CSMD1: variants seen among roughly 807,000 people sequenced by gnomAD.
CSMD1 encodes CUB and Sushi multiple domains 1, also known as CUB and sushi domain-containing protein 1.
CSMD1 carries 213 observed loss-of-function variants against 417.5 expected under a neutral mutation model. The ratio of observed to expected loss-of-function variants is 0.51; its 90% confidence interval spans 0.46 to 0.57. CSMD1 has a LOEUF of 0.57. Ranked by LOEUF, CSMD1 falls within the 20% of genes least tolerant of loss-of-function variation. CSMD1 has a pLI of 0.00. For synonymous variants in CSMD1, 2,862 were observed against 1,736.8 expected, an observed-to-expected ratio of 1.65 and a Z score of -16.11; for missense variants, 6,923 against 4,529.7, an observed-to-expected ratio of 1.53 and a Z score of -15.17.
chr8:3,438,306 C>T (rs574917790), intron 12 of CSMD1, among the ~76,000 whole-genome samples: 1 of 152,248 alleles, frequency 6.6e-6, no homozygotes, highest in Non-Finnish European at 1.5e-5. Context: ...CAGAATTTTG[C>T]AAAACTGTAT....
Position 4,934,962 on chromosome 8 carries a change from A to G in CSMD1, c.85+59370T>C, listed in dbSNP as rs184706763. 7.9e-5 allele frequency among the ~76,000 whole-genome samples: 12 copies of G among 152,272 alleles called. No homozygotes were observed. In the East Asian group the frequency reaches 1.7e-3, roughly 22 times the overall value. ...TCTATTTAAATCCATCTACCTGCCT[A>G]TATCTATCATCTATCAATCATCTGT... On this transcript the variant is annotated intron_variant, in intron 1 of 69. Coordinates refer to ENST00000635120, the MANE Select transcript of CSMD1 (RefSeq NM_033225.6).
intron 2 of CSMD1, among the ~76,000 whole-genome samples, chr8:4,441,887 G>A (rs980873178): frequency 1.1e-4 from 17 of 152,156 alleles, no homozygotes; most frequent in African/African-American, 4.1e-4. Context: ...AAAGTATGCT[G>A]CTACAATTTT....
At chr8:4,715,320 C>T (rs1676965) in intron 1 of CSMD1, among the ~76,000 whole-genome samples, 130,742 of 152,216 alleles carry the variant, frequency 0.86, 56,258 homozygotes, top group East Asian at 0.99. Flanking sequence ...GTTTGGTTTA[C>T]ACAAAGTAAT....
intron 8 of CSMD1, among the ~76,000 whole-genome samples, chr8:3,587,613 A>T (rs11992771): frequency 0.028 from 4,318 of 152,208 alleles, 210 homozygotes; most frequent in African/African-American, 0.095. Flanking sequence ...CCCCCACGGC[A>T]TCTATGTAAC....
chr8:4,566,828 C>G (rs1346575469), intron 2 of CSMD1, among the ~76,000 whole-genome samples: 1 of 151,962 alleles, frequency 6.6e-6, no homozygotes, highest in Non-Finnish European at 1.5e-5. Flanking sequence ...TTATCTGGGC[C>G]TTACTGTATG....
At chr8:4,203,786 G>A (rs1460522142) in intron 3 of CSMD1, among the ~76,000 whole-genome samples, 2 of 152,044 alleles carry the variant, frequency 1.3e-5, no homozygotes, top group Admixed American at 6.6e-5. Flanking sequence ...ATATACATAA[G>A]CTAATTTGAG....
intron 25 of CSMD1, among the ~76,000 whole-genome samples, chr8:3,307,493 T>G (rs527491574): frequency 1.3e-5 from 2 of 152,324 alleles, no homozygotes; most frequent in Non-Finnish European, 2.9e-5. Flanking sequence ...ATTTTGGCTT[T>G]ACTATATAGA....
chr8:3,486,396 A>C (rs1211273801), intron 11 of CSMD1, among the ~76,000 whole-genome samples: 3 of 152,232 alleles, frequency 2.0e-5, no homozygotes, highest in Admixed American at 2.0e-4. Flanking sequence ...TATCTCCCCA[A>C]AATAGTAGCA....
chr8:3,984,947 A>C (rs1247823615), intron 5 of CSMD1, among the ~76,000 whole-genome samples: 1 of 152,004 alleles, frequency 6.6e-6, no homozygotes, highest in African/African-American at 2.4e-5. Context: ...TAAAATTAAC[A>C]CTTTAGAATT....
intron 5 of CSMD1, among the ~76,000 whole-genome samples, chr8:3,975,240 G>C (rs533594601): frequency 6.6e-6 from 1 of 152,070 alleles, no homozygotes; most frequent in Non-Finnish European, 1.5e-5. Context: ...GCCATTACTT[G>C]CTTCGTTATT....
chr8:4,848,400 T>A (rs532061725), intron 1 of CSMD1, among the ~76,000 whole-genome samples: 44 of 152,322 alleles, frequency 2.9e-4, no homozygotes, highest in African/African-American at 9.9e-4. Flanking sequence ...AAAATTCCTA[T>A]GAGCTAGTAA....
intron 26 of CSMD1, among the ~76,000 whole-genome samples, chr8:3,245,580 G>A (rs1332157442): frequency 2.0e-5 from 3 of 152,204 alleles, no homozygotes; most frequent in Admixed American, 1.3e-4. Flanking sequence ...CATCAAGGAA[G>A]GTAGCGCCCA....
At chr8:3,696,948 C>T (rs963953360) in intron 7 of CSMD1, among the ~76,000 whole-genome samples, 5 of 152,062 alleles carry the variant, frequency 3.3e-5, no homozygotes, top group Non-Finnish European at 5.9e-5. Context: ...ATATGGGCCA[C>T]GTGGACTATA....
chr8:3,609,769 A>G (rs1369313101), intron 8 of CSMD1, among the ~76,000 whole-genome samples: 2 of 150,518 alleles, frequency 1.3e-5, no homozygotes, highest in Non-Finnish European at 3.0e-5. Context: ...ACCTTTCATT[A>G]AAGAGAGTCT....
intron 3 of CSMD1, among the ~76,000 whole-genome samples, chr8:4,202,813 T>G (rs1015835124): frequency 2.0e-5 from 3 of 152,098 alleles, no homozygotes; most frequent in Admixed American, 2.0e-4. Flanking sequence ...AGAAAATACC[T>G]AGAAAAAGAG....
intron 1 of CSMD1, among the ~76,000 whole-genome samples, chr8:4,729,810 T>G (rs933977947): frequency 1.3e-5 from 2 of 152,208 alleles, no homozygotes; most frequent in African/African-American, 4.8e-5. Flanking sequence ...AATAAAAGTT[T>G]TCCATTGCAA....
rs552462156 is a variant in CSMD1, at chr8:4,610,137, T to A, written c.302+27205A>T. 2.0e-5 allele frequency among the ~76,000 whole-genome samples: 3 copies of A among 150,676 alleles called. No individual in the cohort carries two copies. The South Asian group carries it at 6.5e-4, about 32-fold the overall frequency. ...GGAAAGGGTGTCATTTAAAGACTAA[T>A]AGGTTATGAACACCTTTTCTTCCCC... On this transcript the variant is annotated intron_variant, in intron 2 of 69. Transcript: ENST00000635120.
intron 11 of CSMD1, among the ~76,000 whole-genome samples, chr8:3,469,734 T>C (rs1350049027): frequency 6.6e-6 from 1 of 152,148 alleles, no homozygotes; most frequent in Non-Finnish European, 1.5e-5. Context: ...CAACCCTACA[T>C]CCTCACCTTA....
intron 5 of CSMD1, among the ~76,000 whole-genome samples, chr8:3,944,100 C>T (rs1357379598): frequency 1.3e-5 from 2 of 152,038 alleles, no homozygotes; most frequent in African/African-American, 4.8e-5. Context: ...AAGAATAAAG[C>T]AAATGTGATA....
Sources: gnomAD v4.1 joint callset for allele counts (sites outside exome capture counted in the v4.1 genomes callset) on GRCh38, gnomAD v4.1.1 for gene constraint, MANE v1.5 for transcripts, NCBI Gene and HGNC (gene_info 2026-07-23, HGNC 2026-07-21) for gene names.